The following PCDH17 variants were observed in gnomAD, a reference collection of about 807,000 sequenced individuals.
PCDH17 encodes the protein protocadherin 17.
A neutral mutation model predicts 67.7 loss-of-function variants in PCDH17; 21 were observed. That is an observed-to-expected ratio of 0.31 (90% confidence interval 0.22 to 0.45). PCDH17 has a LOEUF of 0.45. Among genes scored for constraint, PCDH17 ranks in the 20% least tolerant of loss-of-function variants. The pLI is 1.00. For synonymous variants in PCDH17, 701 were observed against 656.7 expected (o/e 1.07, Z -1.03); for missense variants, 1,471 against 1,564.8 (o/e 0.94, Z 1.01).
chr13:57,681,597 A>G lies in PCDH17; in HGVS notation c.2797+14764A>G, dbSNP rs529413012. 1.4e-4 allele frequency among the ~76,000 whole-genome samples: 22 copies of G among 151,948 alleles called. No homozygotes were observed. The South Asian group carries it at 4.1e-3, about 29-fold the overall frequency. ...CTGGTCAGTCTTACTGAAAATGGATAGAAGACACAAAAAGCTCTGTGTTAA... is the reference window on the plus strand; with the variant it reads ...CTGGTCAGTCTTACTGAAAATGGATGGAAGACACAAAAAGCTCTGTGTTAA... On this transcript the variant is annotated intron_variant, in intron 3 of 3. Transcript: ENST00000377918.
chr13:57,632,714 A>C lies in PCDH17; in HGVS notation c.168A>C (p.Gly56=). Residue 56 remains glycine, a synonymous_variant, in exon 1 of 4, where the codon GGA becomes GGC. Transcript: ENST00000377918. ...TTCCGCCTGCAGAGCGCGGCGGCGGAGGGCGCAGCAAGTCGGGTAGCTACC... is the reference window on the plus strand; with the variant it reads ...TTCCGCCTGCAGAGCGCGGCGGCGGCGGGCGCAGCAAGTCGGGTAGCTACC... ...PGLPPAERGG[G]GRSKSGSYRV... 6.2e-7 allele frequency: 1 copy of C among 1,611,468 alleles called. No homozygotes were observed. The highest frequency in any genetic ancestry group is 8.5e-7 in the Non-Finnish European group (1 of 1,179,886).
intron 3 of PCDH17, among the ~76,000 whole-genome samples, chr13:57,669,530 T>C (rs1955295581): frequency 6.6e-6 from 1 of 152,086 alleles, no homozygotes; most frequent in African/African-American, 2.4e-5. Flanking sequence ...CAGTCTGTCT[T>C]TCAACTATCT....
intron 3 of PCDH17, among the ~76,000 whole-genome samples, chr13:57,708,479 A>G (rs570757955): frequency 6.6e-6 from 1 of 152,112 alleles, no homozygotes; most frequent in African/African-American, 2.4e-5. Flanking sequence ...TATTCTCTTT[A>G]CTCTGTTAAA....
chr13:57,712,050 A>C (rs1036943922), intron 3 of PCDH17, among the ~76,000 whole-genome samples: 1 of 151,664 alleles, frequency 6.6e-6, no homozygotes, highest in Non-Finnish European at 1.5e-5. Flanking sequence ...CTAACCTAAT[A>C]ATTTTTCCAT....
At chr13:57,690,753 A>G (rs1955551042) in intron 3 of PCDH17, among the ~76,000 whole-genome samples, 1 of 151,560 alleles carries the variant, frequency 6.6e-6, no homozygotes, top group Non-Finnish European at 1.5e-5. Context: ...CCATAAATAT[A>G]AGTCCTTTGT....
intron 3 of PCDH17, among the ~76,000 whole-genome samples, chr13:57,717,859 C>T (rs1424350062): frequency 6.6e-6 from 1 of 151,850 alleles, no homozygotes; most frequent in East Asian, 1.9e-4. Flanking sequence ...AGTTTTATTA[C>T]TTGAGATATA....
chr13:57,705,142 C>T (rs979193915), intron 3 of PCDH17, among the ~76,000 whole-genome samples: 3 of 151,626 alleles, frequency 2.0e-5, no homozygotes, highest in African/African-American at 7.3e-5. Flanking sequence ...CCAAAAGAAA[C>T]AAAATATGTG....
At chr13:57,666,412 T>A in intron 1 of PCDH17, 56 bp from the exon 2 acceptor site, 1 of 1,299,080 alleles carries the variant, frequency 7.7e-7, no homozygotes, top group Non-Finnish European at 1.1e-6. Flanking sequence ...CTTGTTGCTC[T>A]GCAGGAGATT....
chr13:57,696,476 A>C (rs1407969402), intron 3 of PCDH17, among the ~76,000 whole-genome samples: 1 of 151,424 alleles, frequency 6.6e-6, no homozygotes, highest in Non-Finnish European at 1.5e-5. Context: ...TGTTAATGTT[A>C]CTTAAAATAG....
intron 1 of PCDH17, among the ~76,000 whole-genome samples, chr13:57,636,783 A>G (rs1954829313): frequency 6.6e-6 from 1 of 152,166 alleles, no homozygotes; most frequent in African/African-American, 2.4e-5. Context: ...AAATACACAT[A>G]TGTTAAATAC....
intron 3 of PCDH17, among the ~76,000 whole-genome samples, chr13:57,697,760 TCAAAA>T (rs1282613367): frequency 1.3e-5 from 2 of 149,774 alleles, no homozygotes; most frequent in Non-Finnish European, 3.0e-5. Flanking sequence ...ATCCTAGAGC[TCAAAA>T]CAAAAGTGAT....
intron 1 of PCDH17, among the ~76,000 whole-genome samples, chr13:57,662,617 T>A (rs1276359677): frequency 6.6e-6 from 1 of 152,154 alleles, no homozygotes; most frequent in Non-Finnish European, 1.5e-5. Flanking sequence ...ATGACTCAGT[T>A]TCACTACATG....
chr13:57,702,335 C>T (rs1364372119), intron 3 of PCDH17, among the ~76,000 whole-genome samples: 3 of 152,034 alleles, frequency 2.0e-5, no homozygotes, highest in Non-Finnish European at 2.9e-5. Flanking sequence ...GATTTGCCCA[C>T]CGAGCCCTAC....
chr13:57,673,853 C>T (rs1457108607), intron 3 of PCDH17, among the ~76,000 whole-genome samples: 1 of 151,958 alleles, frequency 6.6e-6, no homozygotes, highest in African/African-American at 2.4e-5. Flanking sequence ...TCCCACCCCC[C>T]TGTGCTGTCT....
At chr13:57,656,269 G>A in intron 1 of PCDH17, among the ~76,000 whole-genome samples, 1 of 152,036 alleles carries the variant, frequency 6.6e-6, no homozygotes. Context: ...TAGTTTCCAA[G>A]CATGTCCATA....
chr13:57,676,513 G>T (rs1955392759), intron 3 of PCDH17, among the ~76,000 whole-genome samples: 1 of 151,788 alleles, frequency 6.6e-6, no homozygotes, highest in Non-Finnish European at 1.5e-5. Context: ...CAATCAGAGA[G>T]GTCAGGAGGT....
In PCDH17 at chr13:57,633,658, T is replaced by C. The variant is rs1954766444; in HGVS notation, c.1112T>C (p.Ile371Thr). 2 of 1,606,998 alleles carry C rather than the reference T, an allele frequency of 1.2e-6. No homozygotes were observed. Among genetic ancestry groups the C allele is most frequent in the Admixed American group, 1.7e-5 (1 of 59,988 alleles). The change falls in exon 1 of 4, where the codon ATC becomes ACC. Residue 371 changes from isoleucine (I) to threonine (T), a missense_variant. Around this residue, in one of 3 missense-constraint regions of PCDH17, gnomAD observed 1,163 missense variants for 1,230.0 expected, o/e 0.95. Transcript: ENST00000377918. The surrounding 1 kb of genome is among the most constrained non-coding windows in gnomAD (Gnocchi z 6.2). Reference protein sequence around the residue: ...LSEAAPPGTVIALVRVTDRDS... With the variant: ...LSEAAPPGTVTALVRVTDRDS... ...GAGGCCGCCCCTCCCGGCACCGTCA[T>C]CGCCCTGGTGCGGGTCACTGACCGG... is the stretch of plus-strand genomic sequence containing the variant.
chr13:57,703,860 C>A (rs1046347939), intron 3 of PCDH17, among the ~76,000 whole-genome samples: 12 of 151,840 alleles, frequency 7.9e-5, no homozygotes, highest in South Asian at 4.2e-4. Flanking sequence ...TTCCAAAAGT[C>A]AAAATAAAGA....
Position 57,689,430 on chromosome 13 carries a change from G to T in PCDH17, c.2797+22597G>T, listed in dbSNP as rs74532876. Reference sequence around the variant, plus strand: ...TAGTGAAAGGAGAATGTAGAAGAGGGATTGTATTGGACTTCATAGAAAATG... The same window carrying T: ...TAGTGAAAGGAGAATGTAGAAGAGGTATTGTATTGGACTTCATAGAAAATG... On this transcript the variant is annotated intron_variant, in intron 3 of 3. Coordinates refer to ENST00000377918, the MANE Select transcript of PCDH17 (RefSeq NM_001040429.3). Among the ~76,000 whole-genome samples the T allele has an allele frequency of 4.2e-3, 646 of 152,038 alleles. 5 individuals are homozygous for T. Among genetic ancestry groups the T allele is most frequent in the African/African-American group, 0.014 (592 of 41,528 alleles).
Sources: allele counts gnomAD v4.1 joint callset (sites outside exome capture counted in the v4.1 genomes callset), GRCh38; gene constraint gnomAD v4.1.1; regional missense constraint gnomAD v4.1.1; non-coding constraint Gnocchi (gnomAD v3.1); transcripts MANE v1.5; gene names NCBI Gene and HGNC (gene_info 2026-07-23, HGNC 2026-07-21).